The following C11orf65 variants were observed in gnomAD, a reference collection of about 807,000 sequenced individuals.
C11orf65 encodes the protein chromosome 11 open reading frame 65.
C11orf65 carries 38 observed loss-of-function variants against 35.3 expected under a neutral mutation model. The ratio of observed to expected loss-of-function variants is 1.08; its 90% CI spans 0.83 to 1.41. C11orf65 has a LOEUF of 1.41. Ranked by LOEUF, C11orf65 falls within the 40% of genes most tolerant of loss-of-function variation. C11orf65 has a pLI of 0.00. For missense variants in C11orf65, 370 were observed against 367.1 expected (o/e 1.01, Z -0.06); for synonymous variants, 105 against 114.4 (o/e 0.92, Z 0.53).
At chr11:108,454,788 A>C (rs1565722834) in intron 2 of C11orf65, among the ~76,000 whole-genome samples, 1 of 152,120 alleles carries the variant, frequency 6.6e-6, no homozygotes, top group Non-Finnish European at 1.5e-5. Flanking sequence ...AGTCTAGTTA[A>C]AGATTTGCCA....
chr11:108,468,168 C>G (rs2093558925), upstream of C11orf65, among the ~76,000 whole-genome samples: 1 of 152,142 alleles, frequency 6.6e-6, no homozygotes, highest in African/African-American at 2.4e-5. Flanking sequence ...TTAATTTATT[C>G]ATTTGAAAAT....
At position 108,406,939 on chromosome 11, in the gene C11orf65, A is replaced by C; in HGVS notation, c.253T>G (p.Tyr85Asp). The C allele has an allele frequency of 6.2e-7, 1 of 1,610,776 alleles. No homozygotes were observed. Among genetic ancestry groups the C allele is most frequent in the Non-Finnish European group, 8.5e-7 (1 of 1,177,364 alleles). The change falls in exon 5 of 9, where the codon TAT (tyrosine) becomes GAT (aspartate). Residue 85 changes from tyrosine to aspartate, a missense_variant. Transcript: ENST00000393084. ...GGVKFPPDIY[Y>D]KIFTHRPIED... ...ATAGGTCTGTGAGTAAAAATCTTAT[A>C]GTATATATCAGGTGGAAATTTAACC...
chr11:108,374,302 C>T (rs904981108), intron 2 of C11orf65, among the ~76,000 whole-genome samples: 5 of 152,192 alleles, frequency 3.3e-5, no homozygotes, highest in Non-Finnish European at 5.9e-5. Flanking sequence ...TCCAGAGGAA[C>T]GATCAGACAG....
At chr11:108,376,577 A>G (rs1041927287) in intron 2 of C11orf65, among the ~76,000 whole-genome samples, 10 of 151,008 alleles carry the variant, frequency 6.6e-5, no homozygotes, top group Admixed American at 4.6e-4. Flanking sequence ...GAACTAGAAA[A>G]GCAAGAGCAA....
intron 2 of C11orf65, among the ~76,000 whole-genome samples, chr11:108,456,611 G>C (rs1169150183): frequency 2.0e-5 from 3 of 151,536 alleles, no homozygotes; most frequent in Non-Finnish European, 4.4e-5. Flanking sequence ...CCTAGACCCT[G>C]TCTCTACAAA....
At chr11:108,448,268 T>A (rs1338425420) in intron 2 of C11orf65, among the ~76,000 whole-genome samples, 6 of 152,158 alleles carry the variant, frequency 3.9e-5, no homozygotes, top group Non-Finnish European at 7.4e-5. Flanking sequence ...GAGGGAATCC[T>A]CCCTAACTCT....
At chr11:108,416,066 G>T (rs549617123) in intron 3 of C11orf65, among the ~76,000 whole-genome samples, 40 of 152,278 alleles carry the variant, frequency 2.6e-4, no homozygotes, top group African/African-American at 9.1e-4. Flanking sequence ...GTTTGGTGAT[G>T]ACTTTTTAGA....
At chr11:108,456,883 TAGA>T (rs1246415123) in intron 2 of C11orf65, among the ~76,000 whole-genome samples, 1 of 152,118 alleles carries the variant, frequency 6.6e-6, no homozygotes, top group Non-Finnish European at 1.5e-5. Flanking sequence ...AAGAACATCT[TAGA>T]GGAACGAGGC....
At chr11:108,436,852 T>C (rs1363706336) in intron 2 of C11orf65, among the ~76,000 whole-genome samples, 2 of 152,038 alleles carry the variant, frequency 1.3e-5, no homozygotes, top group African/African-American at 2.4e-5. Flanking sequence ...CCCAATAACA[T>C]GCCAGTCCAG....
intron 2 of C11orf65, among the ~76,000 whole-genome samples, chr11:108,374,427 C>G (rs938969835): frequency 6.6e-6 from 1 of 152,194 alleles, no homozygotes; most frequent in African/African-American, 2.4e-5. Flanking sequence ...AGCTGAGGGT[C>G]CTGTCTGTTA....
At chr11:108,371,761 T>C (rs1358251291) in intron 2 of C11orf65, among the ~76,000 whole-genome samples, 1 of 152,208 alleles carries the variant, frequency 6.6e-6, no homozygotes, top group African/African-American at 2.4e-5. Flanking sequence ...ACGGAATTGT[T>C]GGATCATATA....
At chr11:108,433,255 C>T in intron 2 of C11orf65, among the ~76,000 whole-genome samples, 1 of 142,606 alleles carries the variant, frequency 7.0e-6, no homozygotes, top group South Asian at 2.3e-4. Flanking sequence ...ATATATATAT[C>T]TCTCTCTATA....
rs2091894393 is a variant in C11orf65 at position 108,382,888 on chromosome 11, C to G, written c.*133G>C. Reference sequence around the variant, plus strand: ...AGTGTTCTATTTCTGCTCAATCTTCCTTACTTAACTGAGCTAGATTCTGTG... The same window carrying G: ...AGTGTTCTATTTCTGCTCAATCTTCGTTACTTAACTGAGCTAGATTCTGTG... On this transcript the variant is annotated 3_prime_UTR_variant, in exon 9 of 9. Coordinates refer to ENST00000393084, the MANE Select transcript of C11orf65 (RefSeq NM_152587.5). 1.3e-6 allele frequency: 2 copies of G among 1,525,192 alleles called. No homozygotes were observed. The highest frequency in any genetic ancestry group is 1.7e-6 in the Non-Finnish European group (2 of 1,148,112). The allele number at this position is 1,525,192 out of a possible 1,614,324, so 94.5% of individuals were successfully genotyped here.
Position 108,370,910 on chromosome 11 carries a change from C to G in C11orf65, c.226+22298G>C, listed in dbSNP as rs528238046. Among the ~76,000 whole-genome samples, 3 of 152,088 alleles carry G rather than the reference C, an allele frequency of 2.0e-5. No homozygotes were observed. The South Asian group carries it at 6.2e-4, about 32-fold the overall frequency. On this transcript the variant is annotated intron_variant, in intron 2 of 3. Coordinates refer to the C11orf65 transcript ENST00000524755. Reference sequence around the variant, plus strand: ...TTTCCAAGTGGGATTTCCTTTCCAGCATTTCTTGAGAAACTTTTTGTTTTC... The same window carrying G: ...TTTCCAAGTGGGATTTCCTTTCCAGGATTTCTTGAGAAACTTTTTGTTTTC...
chr11:108,389,829 G>C (rs1227630585), intron 7 of C11orf65, among the ~76,000 whole-genome samples: 1 of 151,630 alleles, frequency 6.6e-6, no homozygotes, highest in Non-Finnish European at 1.5e-5. Flanking sequence ...CAAGTAGCTA[G>C]GACTACAGGC....
In C11orf65 at chr11:108,364,976, C is replaced by G. The variant is rs548090330; in HGVS notation, c.226+28232G>C. The G allele has an allele frequency of 3.6e-5, 48 of 1,316,232 alleles. No individual in the cohort carries two copies. The East Asian group carries it at 1.1e-3, about 31-fold the overall frequency. 81.5% of individuals were successfully genotyped at this position (1,316,232 alleles called of 1,614,324 possible). A position where few individuals can be genotyped will look rare whatever the true frequency, so the allele number is the denominator to read the frequency against. On this transcript the variant is annotated intron_variant, in intron 2 of 3. Coordinates refer to the C11orf65 transcript ENST00000524755. ...CATGATGTTTGTTCCCCTCCCCCAT[C>G]AACTACCATGTGACTGGCTTATTTG... is the stretch of plus-strand genomic sequence containing the variant.
Position 108,412,179 on chromosome 11 carries a change from G to C in C11orf65, c.175-5030C>G, listed in dbSNP as rs183430784. 1.0e-3 allele frequency among the ~76,000 whole-genome samples: 156 copies of C among 151,736 alleles called. 1 individual carries two copies. The highest frequency in any genetic ancestry group is 3.7e-3 in the African/African-American group (151 of 41,368). Reference sequence around the variant, plus strand: ...TGCCTCAAAAATAATAAACAGATGGGGTTTTTGTCAGTCTGACAACCTTTG... The same window carrying C: ...TGCCTCAAAAATAATAAACAGATGGCGTTTTTGTCAGTCTGACAACCTTTG... On this transcript the variant is annotated intron_variant, in intron 3 of 8. Coordinates refer to ENST00000393084, the MANE Select transcript of C11orf65 (RefSeq NM_152587.5).
chr11:108,311,708 A>C (rs2084178581), intron 6 of C11orf65, among the ~76,000 whole-genome samples: 1 of 152,170 alleles, frequency 6.6e-6, no homozygotes, highest in African/African-American at 2.4e-5. Context: ...ATAAACAAAA[A>C]AAAAAAAATT....
chr11:108,351,588 T>C (rs1431203326), intron 2 of C11orf65, among the ~76,000 whole-genome samples: 2 of 152,176 alleles, frequency 1.3e-5, no homozygotes. Context: ...TGATTGCTTC[T>C]TCACTTACAT....
Sources: gnomAD v4.1 joint callset for allele counts (sites outside exome capture counted in the v4.1 genomes callset) on GRCh38, gnomAD v4.1.1 for gene constraint, MANE v1.5 for transcripts, NCBI Gene and HGNC (gene_info 2026-07-23, HGNC 2026-07-21) for gene names.